SUPT3H: variants seen among roughly 807,000 people sequenced by gnomAD.
SUPT3H encodes the protein transcription initiation protein SPT3 homolog.
A neutral mutation model predicts 44.3 loss-of-function variants in SUPT3H; 44 were observed. The observed-to-expected ratio is 0.99, with a 90% CI of 0.78 to 1.28. SUPT3H has a LOEUF of 1.28. Among genes scored for constraint, SUPT3H ranks in the 50% most tolerant of loss-of-function variants. The pLI is 0.00. For missense variants in SUPT3H, 380 were observed against 387.1 expected (o/e 0.98, Z 0.15); for synonymous variants, 124 against 125.6 (o/e 0.99, Z 0.09).
Position 45,330,656 on chromosome 6 carries a change from T to G in SUPT3H, c.101+34545A>C, listed in dbSNP as rs575512872. Among the ~76,000 whole-genome samples, 3 of 152,112 alleles carry G rather than the reference T, an allele frequency of 2.0e-5. No homozygotes were observed. The South Asian group carries it at 6.2e-4, about 32-fold the overall frequency. ...CAGGGATCTTATACTTCTGTAACAT[T>G]CTTAATAACTATTCAAAATTTCCAA... On this transcript the variant is annotated intron_variant, in intron 2 of 10. Coordinates refer to ENST00000371459, the MANE Select transcript of SUPT3H (RefSeq NM_003599.4).
At chr6:45,136,702 A>C (rs1236771228) in intron 2 of SUPT3H, among the ~76,000 whole-genome samples, 2 of 152,112 alleles carry the variant, frequency 1.3e-5, no homozygotes, top group African/African-American at 2.4e-5. Flanking sequence ...CTGTCAAAAT[A>C]ATCAGTGAAC....
intron 2 of SUPT3H, among the ~76,000 whole-genome samples, chr6:45,146,546 C>T (rs1383492934): frequency 1.3e-5 from 2 of 152,004 alleles, no homozygotes; most frequent in African/African-American, 4.8e-5. Flanking sequence ...ATCCATGTAA[C>T]CAAAAACCAC....
intron 10 of SUPT3H, among the ~76,000 whole-genome samples, chr6:44,842,805 A>T (rs923443686): frequency 8.5e-5 from 13 of 152,072 alleles, no homozygotes; most frequent in Non-Finnish European, 1.8e-4. Context: ...TCAGCACAAG[A>T]TTATGGTGGT....
chr6:45,221,336 G>A (rs962618160), intron 2 of SUPT3H, among the ~76,000 whole-genome samples: 1 of 152,094 alleles, frequency 6.6e-6, no homozygotes, highest in Non-Finnish European at 1.5e-5. Flanking sequence ...ACACCTGCAC[G>A]TTGTGCACAT....
chr6:45,016,345 T>A (rs559303994), intron 4 of SUPT3H, among the ~76,000 whole-genome samples: 7 of 151,962 alleles, frequency 4.6e-5, no homozygotes, highest in African/African-American at 1.4e-4. Flanking sequence ...TATTTATTTT[T>A]TTATTTTATT....
At chr6:44,812,612 A>C (rs1766608581) in intron 11 of SUPT3H, among the ~76,000 whole-genome samples, 1 of 152,218 alleles carries the variant, frequency 6.6e-6, no homozygotes, top group Admixed American at 6.5e-5. Context: ...GGATATGGAC[A>C]TCTTGGGGTA....
rs41273652 is a variant in SUPT3H, at chr6:44,828,853, T to C, written c.*963A>G. On this transcript the variant is annotated 3_prime_UTR_variant, in exon 11 of 11. Transcript: ENST00000371459. ...AGAATTAAAGAAATAACTTTCTTTT[T>C]TGCAACTGAAGTTTAATCAGGAACT... The C allele has an allele frequency of 0.018, 2,764 of 152,766 alleles. 37 individuals carry two copies. The highest frequency in any genetic ancestry group is 0.027 in the Non-Finnish European group (1,865 of 68,012). The allele number at this position is 152,766 out of a possible 1,614,324, so 9.5% of individuals were successfully genotyped here.
At chr6:44,906,101 T>C (rs1414481787) in intron 10 of SUPT3H, among the ~76,000 whole-genome samples, 1 of 152,084 alleles carries the variant, frequency 6.6e-6, no homozygotes, top group African/African-American at 2.4e-5. Flanking sequence ...TTGCAGCACA[T>C]CAAATGGCAC....
At chr6:45,194,489 T>C (rs1218607693) in intron 2 of SUPT3H, among the ~76,000 whole-genome samples, 1 of 152,182 alleles carries the variant, frequency 6.6e-6, no homozygotes, top group Non-Finnish European at 1.5e-5. Context: ...GTATTGGTGA[T>C]AACTGTTTTC....
At chr6:45,024,459 T>C (rs1785638339) in intron 3 of SUPT3H, among the ~76,000 whole-genome samples, 1 of 152,212 alleles carries the variant, frequency 6.6e-6, no homozygotes, top group African/African-American at 2.4e-5. Flanking sequence ...TTAAATATAA[T>C]GTCTGAATTC....
At chr6:45,097,670 G>C (rs1226467497) in intron 3 of SUPT3H, 1 of 152,168 alleles carries the variant, frequency 6.6e-6, no homozygotes, top group Non-Finnish European at 1.5e-5. Context: ...TACAAATATT[G>C]ATGAAGATAA....
chr6:45,112,424 G>A (rs1018932476), intron 2 of SUPT3H, among the ~76,000 whole-genome samples: 1 of 151,858 alleles, frequency 6.6e-6, no homozygotes, highest in Admixed American at 6.6e-5. Flanking sequence ...AAAGGTGGGG[G>A]GTGTTGAACA....
At chr6:44,816,307 C>T (rs188213737) in intron 11 of SUPT3H, among the ~76,000 whole-genome samples, 3 of 152,216 alleles carry the variant, frequency 2.0e-5, no homozygotes, top group Admixed American at 2.0e-4. Flanking sequence ...ACAGATCCTA[C>T]AGACATTTAA....
chr6:45,140,715 A>G (rs189756253), intron 2 of SUPT3H, among the ~76,000 whole-genome samples: 2 of 152,258 alleles, frequency 1.3e-5, no homozygotes, highest in Admixed American at 1.3e-4. Context: ...CTGAAGACGG[A>G]TAACATCACA....
intron 3 of SUPT3H, among the ~76,000 whole-genome samples, chr6:45,043,182 A>ACACACACACACACACAC (rs1562325647): frequency 2.6e-5 from 3 of 114,826 alleles, no homozygotes; most frequent in African/African-American, 1.0e-4. Context: ...CACACACACA[A>ACACACACACACACACAC]ACACCAAAAC....
chr6:45,306,689 T>C (rs989103097), intron 2 of SUPT3H, among the ~76,000 whole-genome samples: 30 of 152,316 alleles, frequency 2.0e-4, no homozygotes, highest in Middle Eastern at 6.8e-3. Flanking sequence ...ACAGCTCCAG[T>C]CTACAGCTCC....
chr6:45,132,425 C>T (rs190371456), intron 2 of SUPT3H, among the ~76,000 whole-genome samples: 13 of 152,266 alleles, frequency 8.5e-5, no homozygotes, highest in Middle Eastern at 3.4e-3. Flanking sequence ...TGCTTGATAA[C>T]CTATTTCAAC....
chr6:45,117,236 C>T (rs567706586), intron 2 of SUPT3H, among the ~76,000 whole-genome samples: 6 of 152,076 alleles, frequency 3.9e-5, no homozygotes, highest in Non-Finnish European at 8.8e-5. Context: ...AACAACAGAT[C>T]CAATAATCAA....
intron 2 of SUPT3H, among the ~76,000 whole-genome samples, chr6:45,305,252 C>T (rs1417737594): frequency 1.3e-5 from 2 of 152,134 alleles, no homozygotes; most frequent in African/African-American, 4.8e-5. Context: ...TTCATCTCAC[C>T]ACCTGTATTA....
Sources: allele counts gnomAD v4.1 joint callset (sites outside exome capture counted in the v4.1 genomes callset), GRCh38; gene constraint gnomAD v4.1.1; transcripts MANE v1.5; gene names NCBI Gene and HGNC (gene_info 2026-07-23, HGNC 2026-07-21).